The following SEPTIN10 variants were observed in gnomAD, a reference collection of about 807,000 sequenced individuals.
The protein encoded by SEPTIN10 is septin 10.
Under a neutral mutation model 54.8 loss-of-function variants are expected in SEPTIN10, and 66 were observed. The observed-to-expected ratio is 1.21, with a 90% CI of 0.99 to 1.48. The LOEUF (loss-of-function observed/expected upper bound fraction) is 1.48. SEPTIN10 is among the 40% of genes most tolerant of loss of function. The pLI is 0.00. For synonymous variants in SEPTIN10, 161 were observed against 181.0 expected (o/e 0.89, Z 0.89); for missense variants, 620 against 545.6 (o/e 1.14, Z -1.36).
chr2:109,546,903 T>C (rs1318379019), intron 9 of SEPTIN10, among the ~76,000 whole-genome samples: 1 of 152,220 alleles, frequency 6.6e-6, no homozygotes. Flanking sequence ...AAATTAATGC[T>C]AAATACATTT....
At chr2:109,594,503 C>T (rs757911257) in intron 1 of SEPTIN10, among the ~76,000 whole-genome samples, 2 of 152,126 alleles carry the variant, frequency 1.3e-5, no homozygotes, top group Non-Finnish European at 1.5e-5. Flanking sequence ...GAGACTGTTT[C>T]GCAGTAGTAT....
chr2:109,590,330 TGAG>T (rs1693737694), intron 2 of SEPTIN10, among the ~76,000 whole-genome samples: 1 of 152,082 alleles, frequency 6.6e-6, no homozygotes, highest in South Asian at 2.1e-4. Context: ...TAGGTGTCTC[TGAG>T]AAGAGATTTT....
At chr2:109,560,388 G>A (rs1685393565) in intron 8 of SEPTIN10, among the ~76,000 whole-genome samples, 1 of 152,098 alleles carries the variant, frequency 6.6e-6, no homozygotes, top group South Asian at 2.1e-4. Flanking sequence ...ACGTGACACT[G>A]CTGGTTTTCC....
intron 2 of SEPTIN10, among the ~76,000 whole-genome samples, chr2:109,588,493 T>C (rs890058400): frequency 5.4e-4 from 82 of 152,156 alleles, no homozygotes; most frequent in African/African-American, 1.8e-3. Flanking sequence ...TAAAGTGTTA[T>C]ATATACAAAT....
chr2:109,546,461 T>G (rs549787952), intron 9 of SEPTIN10, among the ~76,000 whole-genome samples: 6 of 152,298 alleles, frequency 3.9e-5, no homozygotes, highest in Admixed American at 2.6e-4. Context: ...ATCATAGCTT[T>G]ATGTACAAAA....
intron 4 of SEPTIN10, among the ~76,000 whole-genome samples, chr2:109,579,387 T>G (rs1690543266): frequency 6.9e-6 from 1 of 145,954 alleles, no homozygotes; most frequent in Non-Finnish European, 1.5e-5. Flanking sequence ...AGGCCCTCCT[T>G]TTTTTTTTTT....
At chr2:109,581,893 G>A (rs1267762042) in intron 4 of SEPTIN10, among the ~76,000 whole-genome samples, 12 of 152,138 alleles carry the variant, frequency 7.9e-5, no homozygotes. Flanking sequence ...TTATCTCTCT[G>A]CAGACAATAT....
At chr2:109,583,490 A>G (rs1691704497) in intron 4 of SEPTIN10, among the ~76,000 whole-genome samples, 1 of 152,186 alleles carries the variant, frequency 6.6e-6, no homozygotes, top group South Asian at 2.1e-4. Flanking sequence ...AAAACACAAC[A>G]GATACTGGCG....
At chr2:109,590,675 C>T (rs961183654) in intron 2 of SEPTIN10, among the ~76,000 whole-genome samples, 2 of 152,122 alleles carry the variant, frequency 1.3e-5, no homozygotes, top group Non-Finnish European at 2.9e-5. Flanking sequence ...GTGATCCACT[C>T]GTCTGGGCCT....
intron 1 of SEPTIN10, among the ~76,000 whole-genome samples, chr2:109,608,806 C>G (rs757260130): frequency 1.9e-4 from 29 of 152,170 alleles, no homozygotes; most frequent in Non-Finnish European, 4.0e-4. Context: ...AAAGCATTAT[C>G]TAAATCAACC....
chr2:109,562,924 TC>T (rs1686046570), intron 8 of SEPTIN10, among the ~76,000 whole-genome samples: 1 of 152,094 alleles, frequency 6.6e-6, no homozygotes, highest in Admixed American at 6.5e-5. Flanking sequence ...TTTTTTTTTT[TC>T]TTTGAGATGG....
chr2:109,545,944 G>A, intron 10 of SEPTIN10, 106 bp downstream of exon 10: 2 of 1,469,178 alleles, frequency 1.4e-6, no homozygotes. Flanking sequence ...GTTGGAGAAG[G>A]AAGACAAAGC....
At chr2:109,545,884 A>G (rs539790007) in intron 10 of SEPTIN10, 166 bp downstream of exon 10, 574 of 1,449,756 alleles carry the variant, frequency 4.0e-4, no homozygotes, top group Non-Finnish European at 4.7e-4. Context: ...CTGGGGAAAC[A>G]GCAGTGAACA....
chr2:109,564,006 C>A (rs578013421), intron 8 of SEPTIN10, among the ~76,000 whole-genome samples: 1 of 152,068 alleles, frequency 6.6e-6, no homozygotes, highest in African/African-American at 2.4e-5. Flanking sequence ...TCCAACTTAC[C>A]TTTATGACAA....
intron 1 of SEPTIN10, among the ~76,000 whole-genome samples, chr2:109,609,666 A>G (rs1189215594): frequency 6.6e-6 from 1 of 152,058 alleles, no homozygotes; most frequent in African/African-American, 2.4e-5. Flanking sequence ...CACAACTTCA[A>G]GACAGAAAGT....
intron 5 of SEPTIN10, among the ~76,000 whole-genome samples, chr2:109,572,912 G>C (rs1207909286): frequency 6.6e-6 from 1 of 152,160 alleles, no homozygotes; most frequent in Non-Finnish European, 1.5e-5. Flanking sequence ...ACCATGTCCA[G>C]CCCAACAACC....
intron 5 of SEPTIN10, 133 bp downstream of exon 5, chr2:109,574,443 TAAAAA>T (rs55980206): frequency 1.7e-3 from 474 of 271,022 alleles, no homozygotes; most frequent in Middle Eastern, 4.4e-3. Context: ...ACTTTATCTC[TAAAAA>T]AAAAAAAAAA....
At chr2:109,555,172 C>T (rs1301544919) in intron 8 of SEPTIN10, among the ~76,000 whole-genome samples, 2 of 152,198 alleles carry the variant, frequency 1.3e-5, no homozygotes, top group Non-Finnish European at 2.9e-5. Flanking sequence ...TTTCTCACCA[C>T]ATTAAAGTTA....
chr2:109,582,075 G>GACACACACACAC (rs55880328), intron 4 of SEPTIN10, among the ~76,000 whole-genome samples: 8 of 143,768 alleles, frequency 5.6e-5, no homozygotes, highest in African/African-American at 2.0e-4. Flanking sequence ...ATGTACAACA[G>GACACACACACAC]ACACACACAC....
Sources: gnomAD v4.1 joint callset for allele counts (sites outside exome capture counted in the v4.1 genomes callset) on GRCh38, gnomAD v4.1.1 for gene constraint, MANE v1.5 for transcripts, NCBI Gene and HGNC (gene_info 2026-07-23, HGNC 2026-07-21) for gene names.